The following HLF variants were observed in gnomAD, a reference collection of about 807,000 sequenced individuals.
The protein encoded by HLF is hepatic leukemia factor.
In HLF, 3 loss-of-function variants were observed where a neutral mutation model predicts 22.6. The observed-to-expected ratio is 0.13, with a 90% CI of 0.06 to 0.34. HLF has a LOEUF of 0.34. HLF is among the 10% of genes least tolerant of loss of function. The probability of loss-of-function intolerance (pLI) is 1.00; values close to 1 mark genes in which losing one functional copy is unlikely to be tolerated. For missense variants in HLF, 299 were observed against 389.2 expected, an observed-to-expected ratio of 0.77 and a Z score of 1.95; for synonymous variants, 151 against 151.8, an observed-to-expected ratio of 0.99 and a Z score of 0.04.
chr17:55,268,150 A>T, intron 2 of HLF, 64 bp downstream of exon 2: 2 of 1,194,190 alleles, frequency 1.7e-6, no homozygotes, highest in Non-Finnish European at 2.4e-6. Flanking sequence ...CAGGCAAGGT[A>T]GAGTTAGCAT....
intron 2 of HLF, among the ~76,000 whole-genome samples, chr17:55,298,205 A>G (rs2081126735): frequency 6.6e-6 from 1 of 152,064 alleles, no homozygotes; most frequent in African/African-American, 2.4e-5. Context: ...TATGTGGGGA[A>G]CTACACACTG....
intron 2 of HLF, among the ~76,000 whole-genome samples, chr17:55,298,155 C>G (rs1318609141): frequency 6.6e-6 from 1 of 152,102 alleles, no homozygotes; most frequent in African/African-American, 2.4e-5. Context: ...CCAACTGACT[C>G]CCATGATTAG....
chr17:55,301,673 C>G (rs529808107), intron 2 of HLF, among the ~76,000 whole-genome samples: 29 of 152,170 alleles, frequency 1.9e-4, no homozygotes, highest in Non-Finnish European at 4.1e-4. Flanking sequence ...AATATGCCTC[C>G]CTGTGGAGGT....
chr17:55,265,518 C>G lies in HLF; in HGVS notation c.34C>G (p.Pro12Ala). ...EKMSRPLPLN[P>A]TFIPPPYGVL... is the part of the protein sequence containing the mutation. Reference sequence around the variant, plus strand: ...AATGTCCCGACCGCTCCCCCTGAATCCCACCTTTATCCCGCCTCCCTACGG... The same window carrying G: ...AATGTCCCGACCGCTCCCCCTGAATGCCACCTTTATCCCGCCTCCCTACGG... Residue 12 changes from proline to alanine, a missense_variant, in exon 1 of 4, where the codon CCC becomes GCC. Coordinates refer to ENST00000226067, the MANE Select transcript of HLF (RefSeq NM_002126.5). The G allele has an allele frequency of 6.2e-7, 1 of 1,609,348 alleles. No individual in the cohort carries two copies. The highest frequency in any genetic ancestry group is 8.5e-7 in the Non-Finnish European group (1 of 1,177,578).
chr17:55,315,003 A>G (rs7213385), intron 2 of HLF, among the ~76,000 whole-genome samples: 1 of 152,346 alleles, frequency 6.6e-6, no homozygotes, highest in Non-Finnish European at 1.5e-5. Context: ...CTAGTTTTTG[A>G]ACATGTGTAT....
intron 2 of HLF, among the ~76,000 whole-genome samples, chr17:55,270,187 C>T (rs2080839238): frequency 6.6e-6 from 1 of 152,184 alleles, no homozygotes; most frequent in African/African-American, 2.4e-5. Context: ...GGTGGAAAGA[C>T]ACTGGGATCA....
intron 2 of HLF, among the ~76,000 whole-genome samples, chr17:55,276,132 CA>C (rs2080902460): frequency 1.3e-5 from 2 of 152,142 alleles, no homozygotes; most frequent in Non-Finnish European, 2.9e-5. Flanking sequence ...AAAGAGAAAG[CA>C]ACAGAGGAGG....
At position 55,321,579 on chromosome 17, in the gene HLF, G is replaced by A. The variant is rs1332796960; in HGVS notation, c.*700G>A. The A allele has an allele frequency of 1.3e-5, 3 of 229,092 alleles. No homozygotes were observed. In the Admixed American group the frequency reaches 1.7e-4, roughly 13 times the overall value. The allele number at this position is 229,092 out of a possible 1,614,324, so 14.2% of individuals were successfully genotyped here. ...GTACTATTAATAGAACACAGAGTGT[G>A]TTTTTGCACTGTCTGTACCTAAAGC... On this transcript the variant is annotated 3_prime_UTR_variant, in exon 4 of 4. Transcript: ENST00000226067.
intron 2 of HLF, among the ~76,000 whole-genome samples, chr17:55,300,198 G>A (rs2081145163): frequency 6.6e-6 from 1 of 152,152 alleles, no homozygotes; most frequent in African/African-American, 2.4e-5. Flanking sequence ...GACCGCTCTT[G>A]AGGGATCAAC....
Position 55,320,424 on chromosome 17 carries a change from T to C in HLF, c.673-240T>C, listed in dbSNP as rs1411475538. On this transcript the variant is annotated intron_variant, in intron 3 of 3. Transcript: ENST00000226067. The surrounding 1 kb of genome is among the most constrained non-coding windows in gnomAD (Gnocchi z 4.2). Reference sequence around the variant, plus strand: ...ATCTCTGCTTCACTGAGCACGCCTCTGCTGGGCAAAGAGTAGGAGCCTGTT... The same window carrying C: ...ATCTCTGCTTCACTGAGCACGCCTCCGCTGGGCAAAGAGTAGGAGCCTGTT... Among the ~76,000 whole-genome samples, 1 of 152,206 alleles carries C rather than the reference T, an allele frequency of 6.6e-6. No homozygotes were observed. Among genetic ancestry groups the C allele is most frequent in the Non-Finnish European group, 1.5e-5 (1 of 68,036 alleles).
rs371653898 is a variant in HLF at position 55,278,717 on chromosome 17, G to T, written c.451+10631G>T. ...GGATAGTGGCAAACAGTTAAACTCA[G>T]CCTGCCCTGAGGATTGAGCAGAAGA... On this transcript the variant is annotated intron_variant, in intron 2 of 3. Transcript: ENST00000226067. Among the ~76,000 whole-genome samples the T allele has an allele frequency of 4.0e-4, 61 of 152,304 alleles. No individual in the cohort carries two copies. In the East Asian group the frequency reaches 0.011, roughly 26 times the overall value.
intron 2 of HLF, among the ~76,000 whole-genome samples, chr17:55,277,143 A>G (rs1302019500): frequency 6.6e-6 from 1 of 152,182 alleles, no homozygotes; most frequent in East Asian, 1.9e-4. Context: ...ATAGATTTTA[A>G]TAAACCCAAC....
intron 2 of HLF, among the ~76,000 whole-genome samples, chr17:55,294,130 G>A (rs537237004): frequency 6.6e-6 from 1 of 152,266 alleles, no homozygotes; most frequent in African/African-American, 2.4e-5. Context: ...TAGTAGAGGA[G>A]GATTGGAAAC....
intron 2 of HLF, among the ~76,000 whole-genome samples, chr17:55,293,565 A>G (rs988906953): frequency 6.6e-6 from 1 of 152,216 alleles, no homozygotes; most frequent in Admixed American, 6.5e-5. Flanking sequence ...TATATGTGTT[A>G]TATCATTAAA....
rs908938242 is a variant in HLF at position 55,265,327 on chromosome 17, T to A, written c.-158T>A. The A allele has an allele frequency of 1.1e-4, 64 of 585,196 alleles. No homozygotes were observed. The highest frequency in any genetic ancestry group is 1.8e-4 in the Non-Finnish European group (60 of 332,746). 36.3% of individuals were successfully genotyped at this position (585,196 alleles called of 1,614,324 possible). A position where few individuals can be genotyped will look rare whatever the true frequency, so the allele number is the denominator to read the frequency against. On this transcript the variant is annotated 5_prime_UTR_variant, in exon 1 of 4. Transcript: ENST00000226067. ...AATATATATTTTTATGCAGATGTAT[T>A]TATAAAGATATAAGTAATTTTTTTC...
intron 2 of HLF, among the ~76,000 whole-genome samples, chr17:55,288,029 A>C (rs1417815745): frequency 6.6e-6 from 1 of 152,254 alleles, no homozygotes; most frequent in East Asian, 1.9e-4. Flanking sequence ...CCTTTGGGCC[A>C]GATGTGAGTC....
intron 2 of HLF, among the ~76,000 whole-genome samples, chr17:55,293,566 T>C (rs2081085816): frequency 6.6e-6 from 1 of 152,248 alleles, no homozygotes; most frequent in African/African-American, 2.4e-5. Flanking sequence ...ATATGTGTTA[T>C]ATCATTAAAA....
chr17:55,291,184 G>T (rs2145331916), intron 2 of HLF, among the ~76,000 whole-genome samples: 1 of 152,344 alleles, frequency 6.6e-6, no homozygotes, highest in South Asian at 2.1e-4. Context: ...ATCTAGCTAA[G>T]ATCATTGATG....
At position 55,277,171 on chromosome 17, in the gene HLF, T is replaced by G. The variant is rs377491547; in HGVS notation, c.451+9085T>G. Among the ~76,000 whole-genome samples the G allele has an allele frequency of 9.2e-5, 14 of 152,260 alleles. No individual in the cohort carries two copies. The East Asian group carries it at 1.9e-3, about 21-fold the overall frequency. On this transcript the variant is annotated intron_variant, in intron 2 of 3. Coordinates refer to ENST00000226067, the MANE Select transcript of HLF (RefSeq NM_002126.5). ...AACCCAACTCATTAACGTTCATCAC[T>G]TTTAAATGCCTCTATTTTATACAGC... is the stretch of plus-strand genomic sequence containing the variant.
Sources: gnomAD v4.1 joint callset for allele counts (sites outside exome capture counted in the v4.1 genomes callset) on GRCh38, gnomAD v4.1.1 for gene constraint, Gnocchi (gnomAD v3.1) non-coding constraint, MANE v1.5 for transcripts, NCBI Gene and HGNC (gene_info 2026-07-23, HGNC 2026-07-21) for gene names.